PHLPP1: variants seen among roughly 807,000 people sequenced by gnomAD.
PHLPP1 encodes PH domain leucine-rich repeat-containing protein phosphatase 1.
In PHLPP1, 42 loss-of-function variants were observed where a neutral mutation model predicts 117.2. That is an observed-to-expected ratio of 0.36 (90% CI 0.28 to 0.46). The LOEUF (loss-of-function observed/expected upper bound fraction) is 0.46. Ranked by LOEUF, PHLPP1 falls within the 20% of genes least tolerant of loss-of-function variation. The probability of loss-of-function intolerance (pLI) is 1.00; values close to 1 mark genes in which losing one functional copy is unlikely to be tolerated. For synonymous variants in PHLPP1, 1,042 were observed against 970.7 expected (o/e 1.07, Z -1.37); for missense variants, 2,084 against 2,241.9 (o/e 0.93, Z 1.42).
intron 9 of PHLPP1, among the ~76,000 whole-genome samples, chr18:62,916,018 A>G (rs1416004776): frequency 2.6e-5 from 4 of 152,190 alleles, no homozygotes; most frequent in Non-Finnish European, 4.4e-5. Flanking sequence ...ACCATTTTGG[A>G]GTAAACTTTT....
intron 11 of PHLPP1, among the ~76,000 whole-genome samples, chr18:62,942,270 C>T (rs1248015918): frequency 1.3e-5 from 2 of 152,146 alleles, no homozygotes; most frequent in Non-Finnish European, 2.9e-5. Flanking sequence ...CCTGTAGTCC[C>T]AGCTACTCGG....
chr18:62,876,328 C>T (rs767021020), intron 4 of PHLPP1, among the ~76,000 whole-genome samples: 3 of 152,156 alleles, frequency 2.0e-5, no homozygotes, highest in Non-Finnish European at 2.9e-5. Context: ...GACCACCTGC[C>T]GAACCCAGGC....
chr18:62,917,681 C>T (rs183848208), intron 9 of PHLPP1, among the ~76,000 whole-genome samples: 2 of 151,834 alleles, frequency 1.3e-5, no homozygotes, highest in South Asian at 2.1e-4. Context: ...GATATGGTGG[C>T]GTGTGCCTGT....
At chr18:62,975,054 G>T (rs985550717) in intron 15 of PHLPP1, among the ~76,000 whole-genome samples, 1 of 152,174 alleles carries the variant, frequency 6.6e-6, no homozygotes, top group Non-Finnish European at 1.5e-5. Flanking sequence ...TTTTCCTGCT[G>T]TCTTTGGAGT....
At chr18:62,862,507 A>G (rs1262410947) in intron 4 of PHLPP1, among the ~76,000 whole-genome samples, 1 of 152,224 alleles carries the variant, frequency 6.6e-6, no homozygotes, top group Non-Finnish European at 1.5e-5. Flanking sequence ...TTGGCAGCAC[A>G]TGCCATCAGT....
chr18:62,952,428 C>T (rs1910490105), intron 12 of PHLPP1, among the ~76,000 whole-genome samples: 1 of 152,116 alleles, frequency 6.6e-6, no homozygotes, highest in African/African-American at 2.4e-5. Context: ...ATTTTTATCA[C>T]CTCAAATTCT....
intron 10 of PHLPP1, among the ~76,000 whole-genome samples, chr18:62,939,780 A>G (rs1435865425): frequency 6.6e-6 from 1 of 152,014 alleles, no homozygotes; most frequent in Non-Finnish European, 1.5e-5. Flanking sequence ...AGAGTTTTAA[A>G]TTAGTGGACT....
intron 1 of PHLPP1, among the ~76,000 whole-genome samples, chr18:62,741,616 G>C (rs2122074274): frequency 6.6e-6 from 1 of 151,932 alleles, no homozygotes; most frequent in Non-Finnish European, 1.5e-5. Flanking sequence ...GAAGGTCCTT[G>C]CCCTTGTGAC....
intron 1 of PHLPP1, among the ~76,000 whole-genome samples, chr18:62,746,047 AT>A (rs879347300): frequency 6.0e-4 from 88 of 146,692 alleles, no homozygotes; most frequent in East Asian, 7.9e-4. Context: ...AGAAAAACTA[AT>A]TTTTTTTTTT....
intron 1 of PHLPP1, among the ~76,000 whole-genome samples, chr18:62,719,211 A>G (rs754170388): frequency 6.6e-6 from 1 of 152,194 alleles, no homozygotes; most frequent in Non-Finnish European, 1.5e-5. Context: ...TATCCACCCT[A>G]TTCTTGAACA....
chr18:62,783,619 A>G (rs1913193207), intron 1 of PHLPP1, among the ~76,000 whole-genome samples: 1 of 152,192 alleles, frequency 6.6e-6, no homozygotes, highest in Non-Finnish European at 1.5e-5. Context: ...TTTCTGATCC[A>G]TGAATAGCAC....
chr18:62,825,364 A>C (rs1231817469), intron 1 of PHLPP1: 1 of 148,486 alleles, frequency 6.7e-6, no homozygotes, highest in Non-Finnish European at 1.5e-5. Context: ...ATGTATATAT[A>C]TAAATATATC....
At chr18:62,831,923 A>T (rs1051113038) in intron 2 of PHLPP1, among the ~76,000 whole-genome samples, 1 of 152,228 alleles carries the variant, frequency 6.6e-6, no homozygotes, top group Non-Finnish European at 1.5e-5. Context: ...TTTGAAACCA[A>T]TGCTGCTTAA....
At chr18:62,761,655 A>G (rs906515374) in intron 1 of PHLPP1, among the ~76,000 whole-genome samples, 9 of 151,540 alleles carry the variant, frequency 5.9e-5, no homozygotes, top group African/African-American at 2.2e-4. Flanking sequence ...ATAAAAATAA[A>G]AAAATAAAAA....
chr18:62,850,563 CAGGT>C (rs1286029717), intron 3 of PHLPP1, among the ~76,000 whole-genome samples: 1 of 152,128 alleles, frequency 6.6e-6, no homozygotes, highest in African/African-American at 2.4e-5. Context: ...GAAACATTCT[CAGGT>C]AGTAACATTT....
chr18:62,964,219 G>A (rs1910845268), intron 14 of PHLPP1, among the ~76,000 whole-genome samples: 1 of 152,124 alleles, frequency 6.6e-6, no homozygotes, highest in South Asian at 2.1e-4. Context: ...GAAAGTGGAG[G>A]TAGATCTAAT....
intron 1 of PHLPP1, among the ~76,000 whole-genome samples, chr18:62,725,275 G>A (rs866636581): frequency 3.3e-5 from 5 of 151,018 alleles, no homozygotes; most frequent in African/African-American, 9.7e-5. Flanking sequence ...CAGGAGAATC[G>A]CTTGAACCCG....
chr18:62,865,421 TTTTG>T (rs1457072536), intron 4 of PHLPP1, among the ~76,000 whole-genome samples: 11 of 152,208 alleles, frequency 7.2e-5, no homozygotes, highest in African/African-American at 1.2e-4. Flanking sequence ...ATTATTATCA[TTTTG>T]TTTGTTTGTT....
chr18:62,846,522 A>G (rs967823191), intron 3 of PHLPP1, among the ~76,000 whole-genome samples: 7 of 152,158 alleles, frequency 4.6e-5, no homozygotes, highest in African/African-American at 1.7e-4. Context: ...TGTAAAGATC[A>G]TATCACACAT....
Sources: allele counts gnomAD v4.1 joint callset (sites outside exome capture counted in the v4.1 genomes callset), GRCh38; gene constraint gnomAD v4.1.1; transcripts MANE v1.5; gene names NCBI Gene and HGNC (gene_info 2026-07-23, HGNC 2026-07-21).